LAMC1: variants seen among roughly 807,000 people sequenced by gnomAD.
The protein encoded by LAMC1 is laminin subunit gamma-1.
LAMC1 carries 38 observed loss-of-function variants against 173.6 expected under a neutral mutation model. The ratio of observed to expected loss-of-function variants is 0.22; its 90% confidence interval spans 0.17 to 0.29. The LOEUF is 0.29. Among genes scored for constraint, LAMC1 ranks in the 10% least tolerant of loss-of-function variants. The pLI, the probability that LAMC1 is intolerant of heterozygous loss-of-function variation, is 1.00. For synonymous variants in LAMC1, 746 were observed against 749.1 expected (o/e 1.00, Z 0.07); for missense variants, 1,824 against 2,051.8 (o/e 0.89, Z 2.14).
chr1:183,085,139 C>A (rs1176776730), intron 1 of LAMC1, among the ~76,000 whole-genome samples: 1 of 151,770 alleles, frequency 6.6e-6, no homozygotes, highest in African/African-American at 2.4e-5. Flanking sequence ...ATTGCTTGAA[C>A]CTAGGAGGTG....
chr1:183,115,551 C>A lies in LAMC1; in HGVS notation c.1242C>A (p.Gly414=), dbSNP rs20562. ...TAAGCACACAGTGTGATAGTTACGG[C>A]AGATGCAGCTGTAAGCCAGGAGTGA... ...GSLSTQCDSY[G]RCSCKPGVMG... is the part of the protein sequence containing the mutation. The change falls in exon 6 of 28, where the codon GGC becomes GGA. Residue 414 remains glycine (G), a synonymous_variant. Coordinates refer to ENST00000258341, the MANE Select transcript of LAMC1 (RefSeq NM_002293.4). The A allele has an allele frequency of 0.017, 27,897 of 1,613,380 alleles. 331 individuals are homozygous for A. The highest frequency in any genetic ancestry group is 0.019 in the Non-Finnish European group (22,016 of 1,179,306).
intron 4 of LAMC1, among the ~76,000 whole-genome samples, chr1:183,113,154 T>G (rs1001975007): frequency 3.9e-5 from 6 of 151,964 alleles, no homozygotes; most frequent in Non-Finnish European, 5.9e-5. Context: ...CTGCAAAAAA[T>G]TTTTTAAAAA....
intron 1 of LAMC1, among the ~76,000 whole-genome samples, chr1:183,060,871 G>A (rs1361510742): frequency 6.6e-6 from 1 of 152,186 alleles, no homozygotes; most frequent in Non-Finnish European, 1.5e-5. Context: ...AAAATATCGT[G>A]TTGAGAAGTA....
chr1:183,076,860 C>T (rs946082031), intron 1 of LAMC1, among the ~76,000 whole-genome samples: 1 of 149,528 alleles, frequency 6.7e-6, no homozygotes, highest in African/African-American at 2.4e-5. Context: ...AGAAAAATCT[C>T]TTAGAGACCC....
Position 183,114,667 on chromosome 1 carries a change from C to T in LAMC1, c.1158C>T (p.Phe386=). The T allele has an allele frequency of 6.2e-7, 1 of 1,614,206 alleles. No homozygotes were observed. Among genetic ancestry groups the T allele is most frequent in the African/African-American group, 1.3e-5 (1 of 75,040 alleles). The change falls in exon 5 of 28, where the codon TTC becomes TTT. Residue 386 remains phenylalanine, a synonymous_variant. Transcript: ENST00000258341. ...GAHCERCREN[F]FRLGNNEACS... is the part of the protein sequence containing the mutation. ...ACTGTGAGAGGTGCCGAGAGAACTT[C>T]TTCCGCCTTGGCAACAATGAAGCCT... is the stretch of plus-strand genomic sequence containing the variant.
chr1:183,117,415 T>A lies in LAMC1; in HGVS notation c.1660T>A (p.Tyr554Asn). Residue 554 changes from tyrosine to asparagine, a missense_variant, in exon 9 of 28, where the codon TAC becomes AAC. By Grantham distance (143) the Tyr-to-Asn change is moderately radical. Transcript: ENST00000258341. ...AGATATCGCCGTGATCTCAGACAGC[T>A]ACTTTCCTCGGTACTTCATTGCTCC... ...RQDIAVISDS[Y>N]FPRYFIAPAK... 1.2e-6 allele frequency: 2 copies of A among 1,613,908 alleles called. No homozygotes were observed. The highest frequency in any genetic ancestry group is 1.7e-6 in the Non-Finnish European group (2 of 1,179,768).
chr1:183,130,360 G>A lies in LAMC1; in HGVS notation c.3297G>A (p.Leu1099=), dbSNP rs767096946. ...AQDVKDVDQN[L]MDRLQRVNNT... The stretch of plus-strand genomic sequence containing the variant: ...CCATTTTAGATGTTGACCAGAATTT[G>A]ATGGATCGCCTACAGAGAGTGAATA... Residue 1099 remains leucine (L), a synonymous_variant, in exon 19 of 28, where the codon TTG becomes TTA. Coordinates refer to ENST00000258341, the MANE Select transcript of LAMC1 (RefSeq NM_002293.4). 1.2e-6 allele frequency: 2 copies of A among 1,614,068 alleles called. No homozygotes were observed. Among genetic ancestry groups the A allele is most frequent in the African/African-American group, 2.7e-5 (2 of 75,050 alleles).
intron 1 of LAMC1, among the ~76,000 whole-genome samples, chr1:183,097,885 A>C (rs1331837146): frequency 6.6e-6 from 1 of 152,194 alleles, no homozygotes; most frequent in Admixed American, 6.5e-5. Flanking sequence ...GAAGAGGGGC[A>C]GTAGAACACT....
chr1:183,038,985 T>G (rs1010652699), intron 1 of LAMC1, among the ~76,000 whole-genome samples: 1 of 152,140 alleles, frequency 6.6e-6, no homozygotes, highest in African/African-American at 2.4e-5. Context: ...TTATTTAATC[T>G]CTTACCAAAT....
intron 2 of LAMC1, among the ~76,000 whole-genome samples, chr1:183,107,346 G>T (rs561673622): frequency 6.6e-6 from 1 of 152,166 alleles, no homozygotes; most frequent in African/African-American, 2.4e-5. Context: ...TTGGGTAGGG[G>T]TAGCAATGTT....
intron 13 of LAMC1, among the ~76,000 whole-genome samples, chr1:183,122,918 T>C (rs530012017): frequency 1.3e-5 from 2 of 152,248 alleles, no homozygotes; most frequent in East Asian, 3.9e-4. Flanking sequence ...ACCCACCACC[T>C]GAGGCCCAGG....
At chr1:183,097,128 G>A (rs1655715541) in intron 1 of LAMC1, among the ~76,000 whole-genome samples, 1 of 152,166 alleles carries the variant, frequency 6.6e-6, no homozygotes, top group Non-Finnish European at 1.5e-5. Context: ...TTTGCAGCTG[G>A]ATATGTTGTC....
At chr1:183,103,182 T>C (rs573296316) in intron 1 of LAMC1, 146 bp from the exon 2 acceptor site, 198 of 824,644 alleles carry the variant, frequency 2.4e-4, no homozygotes, top group Non-Finnish European at 3.2e-4. Flanking sequence ...ATACGTAGTT[T>C]TCTGTTTTAG....
chr1:183,137,675 AC>A lies in LAMC1; in HGVS notation c.4323del (p.Ser1442AlafsTer20). ...RIASAVQKNA[T>X]STKAEAERTF... is the part of the protein sequence containing the mutation. ...AATTTTCTTTTGTGCCTAGAATGCCACCAGCACCAAGGCAGAAGCTGAAAGA... is the reference window on the plus strand; with the variant it reads ...AATTTTCTTTTGTGCCTAGAATGCCACAGCACCAAGGCAGAAGCTGAAAGA... On this transcript the variant is annotated frameshift_variant, in exon 26 of 28. Coordinates refer to ENST00000258341, the MANE Select transcript of LAMC1 (RefSeq NM_002293.4). LOFTEE classifies it high-confidence loss of function. 1 of 1,588,454 alleles carries A rather than the reference AC, an allele frequency of 6.3e-7. No homozygotes were observed. The highest frequency in any genetic ancestry group is 1.2e-5 in the South Asian group (1 of 85,340).
chr1:183,064,261 G>T (rs1271329971), intron 1 of LAMC1, among the ~76,000 whole-genome samples: 1 of 152,154 alleles, frequency 6.6e-6, no homozygotes, highest in Non-Finnish European at 1.5e-5. Flanking sequence ...TTTTGTCATT[G>T]TGTGAATGTC....
chr1:183,077,776 G>GTGTGTGTGTGTGTGTGTGTGTATA, intron 1 of LAMC1, among the ~76,000 whole-genome samples: 1 of 116,522 alleles, frequency 8.6e-6, no homozygotes, highest in African/African-American at 2.9e-5. Context: ...TGGCCATTGT[G>GTGTGTGTGTGTGTGTGTGTGTATA]TATATATATA....
rs1385456433 is a variant in LAMC1, at chr1:183,125,688, A to G, written c.2801+138A>G. On this transcript the variant is annotated intron_variant, in intron 15 of 27. Coordinates refer to ENST00000258341, the MANE Select transcript of LAMC1 (RefSeq NM_002293.4). Reference sequence around the variant, plus strand: ...TGTAGGCAAGGCATCCTTCAGGGGCAGTGCTGGAGAATTGTAATAAAGCTA... The same window carrying G: ...TGTAGGCAAGGCATCCTTCAGGGGCGGTGCTGGAGAATTGTAATAAAGCTA... 16 of 631,204 alleles carry G rather than the reference A, an allele frequency of 2.5e-5. No homozygotes were observed. The Admixed American group carries it at 3.6e-4, about 14-fold the overall frequency. The allele number at this position is 631,204 out of a possible 1,614,324, so 39.1% of individuals were successfully genotyped here.
intron 1 of LAMC1, among the ~76,000 whole-genome samples, chr1:183,032,922 C>T (rs1653882799): frequency 6.6e-6 from 1 of 151,726 alleles, no homozygotes; most frequent in African/African-American, 2.4e-5. Context: ...GTGTTCTATT[C>T]TTGAGCTGGG....
At position 183,076,647 on chromosome 1, in the gene LAMC1, G is replaced by A. The variant is rs548619592; in HGVS notation, c.419-26681G>A. 4.5e-4 allele frequency among the ~76,000 whole-genome samples: 69 copies of A among 152,328 alleles called. 3 individuals carry two copies. The South Asian group carries it at 0.011, about 24-fold the overall frequency. On this transcript the variant is annotated intron_variant, in intron 1 of 27. Coordinates refer to ENST00000258341, the MANE Select transcript of LAMC1 (RefSeq NM_002293.4). ...CTTTGTAGCCCTTTAGGAAGAGACA[G>A]TGTACCCAGACCATATTTCATCAAA...
Sources: allele counts gnomAD v4.1 joint callset (sites outside exome capture counted in the v4.1 genomes callset), GRCh38; gene constraint gnomAD v4.1.1; transcripts MANE v1.5; gene names NCBI Gene and HGNC (gene_info 2026-07-23, HGNC 2026-07-21).